LMO7: variants seen among roughly 807,000 people sequenced by gnomAD.
LMO7 encodes the protein LIM domain only protein 7.
In LMO7, 120 loss-of-function variants were observed where a neutral mutation model predicts 206.5. The observed-to-expected ratio is 0.58, with a 90% CI of 0.50 to 0.68. The LOEUF (loss-of-function observed/expected upper bound fraction) is 0.68. LMO7 is among the 30% of genes least tolerant of loss of function. The probability of loss-of-function intolerance (pLI) is 0.00; values close to 1 mark genes in which losing one functional copy is unlikely to be tolerated. For synonymous variants in LMO7, 706 were observed against 681.5 expected (o/e 1.04, Z -0.56); for missense variants, 1,959 against 1,957.9 (o/e 1.00, Z -0.01).
chr13:75,657,545 C>G (rs993568286), intron 1 of LMO7, among the ~76,000 whole-genome samples: 2 of 134,070 alleles, frequency 1.5e-5, no homozygotes, highest in African/African-American at 5.0e-5. Flanking sequence ...ATAATATGAT[C>G]CAGATCCCTG....
chr13:75,709,649 GT>G (rs1320248726), intron 1 of LMO7, among the ~76,000 whole-genome samples: 32 of 151,896 alleles, frequency 2.1e-4, no homozygotes, highest in African/African-American at 7.5e-4. Flanking sequence ...GGGGCTGTTT[GT>G]TTTTTTTCTT....
At chr13:75,752,492 A>G (rs564134019) in intron 3 of LMO7, among the ~76,000 whole-genome samples, 1 of 152,248 alleles carries the variant, frequency 6.6e-6, no homozygotes, top group South Asian at 2.1e-4. Context: ...CTACCTTAAT[A>G]TATTACACTG....
intron 3 of LMO7, among the ~76,000 whole-genome samples, chr13:75,750,302 T>C (rs1041997695): frequency 2.0e-5 from 3 of 151,922 alleles, no homozygotes; most frequent in Non-Finnish European, 4.4e-5. Context: ...TTAAGTTATA[T>C]TTGATGAAAA....
At chr13:75,621,837 G>A (rs1349024934) in exon 1 of LMO7, 1 of 1,606,802 alleles carries the variant, frequency 6.2e-7, no homozygotes, top group Non-Finnish European at 8.5e-7. Context: ...TGGGTTGGCT[G>A]TATCTCAGGG....
At chr13:75,846,821 C>G (rs1186531120) in intron 26 of LMO7, among the ~76,000 whole-genome samples, 1 of 152,034 alleles carries the variant, frequency 6.6e-6, no homozygotes, top group Non-Finnish European at 1.5e-5. Flanking sequence ...GTGGCTCACG[C>G]CTGTAATCCA....
At chr13:75,703,714 T>TTGTGTGTG (rs139490120) in intron 1 of LMO7, among the ~76,000 whole-genome samples, 22 of 147,682 alleles carry the variant, frequency 1.5e-4, no homozygotes, top group African/African-American at 4.2e-4. Context: ...TTCAGGTTCT[T>TTGTGTGTG]TGTGTGTGTG....
chr13:75,828,923 CAGTT>C (rs1276322638), intron 15 of LMO7, among the ~76,000 whole-genome samples: 1 of 151,884 alleles, frequency 6.6e-6, no homozygotes, highest in Non-Finnish European at 1.5e-5. Flanking sequence ...GAGTGGGGAA[CAGTT>C]AGGGGAAAGA....
intron 1 of LMO7, among the ~76,000 whole-genome samples, chr13:75,706,545 T>C (rs1241654716): frequency 1.3e-5 from 2 of 152,156 alleles, no homozygotes; most frequent in Admixed American, 6.5e-5. Context: ...TATCTTATAC[T>C]GAAATTTAGA....
chr13:75,709,316 A>G (rs2042896578), intron 1 of LMO7, among the ~76,000 whole-genome samples: 1 of 152,188 alleles, frequency 6.6e-6, no homozygotes, highest in Non-Finnish European at 1.5e-5. Context: ...TATACCCAGT[A>G]ATGGGATTGC....
chr13:75,757,008 C>T (rs1366520586), intron 3 of LMO7, among the ~76,000 whole-genome samples: 1 of 152,128 alleles, frequency 6.6e-6, no homozygotes, highest in South Asian at 2.1e-4. Flanking sequence ...TTCTTTTGTA[C>T]CTACATGGAA....
chr13:75,760,853 G>A (rs146366685), intron 3 of LMO7, 79 bp from the exon 4 acceptor site: 9 of 1,582,104 alleles, frequency 5.7e-6, no homozygotes, highest in Admixed American at 1.8e-5. Context: ...TTGAAGCTTC[G>A]AAGTTATATC....
At chr13:75,666,052 C>T (rs1380156904) in intron 1 of LMO7, among the ~76,000 whole-genome samples, 1 of 152,112 alleles carries the variant, frequency 6.6e-6, no homozygotes, top group Admixed American at 6.5e-5. Flanking sequence ...ATAGAATATT[C>T]TAATGTTTTC....
chr13:75,807,096 G>A (rs113075537), intron 9 of LMO7: 7,253 of 181,522 alleles, frequency 0.04, 172 homozygotes, highest in Non-Finnish European at 0.053. Context: ...ACTCAGCCTG[G>A]GCGACAGAGT....
At chr13:75,750,729 G>A (rs943549598) in intron 3 of LMO7, among the ~76,000 whole-genome samples, 2 of 152,118 alleles carry the variant, frequency 1.3e-5, no homozygotes, top group Non-Finnish European at 2.9e-5. Flanking sequence ...TGGTTCAGTA[G>A]GTCTGGGGTG....
chr13:75,842,088 A>G (rs1595466550), intron 24 of LMO7, 105 bp downstream of exon 24: 1 of 786,048 alleles, frequency 1.3e-6, no homozygotes, highest in East Asian at 2.7e-5. Context: ...TCTCCACACA[A>G]GTGAATACAA....
intron 1 of LMO7, among the ~76,000 whole-genome samples, chr13:75,647,934 CTT>C (rs1204735038): frequency 9.3e-6 from 1 of 107,162 alleles, no homozygotes; most frequent in African/African-American, 3.3e-5. Flanking sequence ...CTGATTTTCT[CTT>C]GTTTTCTTTT....
intron 2 of LMO7, chr13:75,627,837 T>C (rs1490931427): frequency 1.3e-5 from 2 of 152,082 alleles, no homozygotes; most frequent in Non-Finnish European, 2.9e-5. Context: ...CTCACTGCTA[T>C]CACTTAGAGA....
intron 1 of LMO7, among the ~76,000 whole-genome samples, chr13:75,653,727 T>A (rs1176739339): frequency 2.0e-5 from 3 of 152,240 alleles, no homozygotes; most frequent in African/African-American, 7.2e-5. Context: ...TTAAAAGGAA[T>A]ACATTACAGG....
intron 1 of LMO7, among the ~76,000 whole-genome samples, chr13:75,691,224 A>G (rs1270003252): frequency 6.6e-6 from 1 of 152,234 alleles, no homozygotes; most frequent in Non-Finnish European, 1.5e-5. Flanking sequence ...GGTAAGGTGA[A>G]TATAATGAAA....
Sources: allele counts gnomAD v4.1 joint callset (sites outside exome capture counted in the v4.1 genomes callset), GRCh38; gene constraint gnomAD v4.1.1; transcripts MANE v1.5; gene names NCBI Gene and HGNC (gene_info 2026-07-23, HGNC 2026-07-21).